WIZ: variants seen among roughly 807,000 people sequenced by gnomAD.
The protein encoded by WIZ is protein Wiz.
Under a neutral mutation model 140.2 loss-of-function variants are expected in WIZ, and 25 were observed. The ratio of observed to expected loss-of-function variants is 0.18; its 90% CI spans 0.13 to 0.25. The LOEUF is 0.25. WIZ is among the 10% of genes least tolerant of loss of function. WIZ has a pLI of 1.00. For missense variants in WIZ, 2,231 were observed against 2,632.6 expected, an observed-to-expected ratio of 0.85 and a Z score of 3.34; for synonymous variants, 1,125 against 1,154.3, an observed-to-expected ratio of 0.97 and a Z score of 0.51.
intron 2 of WIZ, 50 bp downstream of exon 2, chr19:15,448,053 T>C (rs1158983253): frequency 1.9e-6 from 3 of 1,602,514 alleles, no homozygotes; most frequent in Non-Finnish European, 2.6e-6. Flanking sequence ...CTCTGAGCCT[T>C]GGGGAATGGG....
At chr19:15,435,318 CA>C (rs887522006) in intron 5 of WIZ, among the ~76,000 whole-genome samples, 3 of 151,932 alleles carry the variant, frequency 2.0e-5, no homozygotes, top group African/African-American at 7.3e-5. Context: ...AATCTTAGTA[CA>C]GGGGCCAGGC....
rs1381207637 is a variant in WIZ at position 15,422,691 on chromosome 19, G to T, written c.*385C>A. The T allele has an allele frequency of 8.2e-6, 2 of 244,578 alleles. No individual in the cohort carries two copies. Among genetic ancestry groups the T allele is most frequent in the Non-Finnish European group, 1.6e-5 (2 of 125,090 alleles). The allele number at this position is 244,578 out of a possible 1,614,324, so 15.2% of individuals were successfully genotyped here. The stretch of plus-strand genomic sequence containing the variant: ...GAGAGGATATTCATGGGGGAGAGAG[G>T]GAACCAGAACAGGGGTCTTTGGGGT... On this transcript the variant is annotated 3_prime_UTR_variant, in exon 13 of 13. Coordinates refer to ENST00000673675, the MANE Select transcript of WIZ (RefSeq NM_001371589.1).
Position 15,424,074 on chromosome 19 carries a change from C to T in WIZ, c.5510+109G>A. 3 of 1,049,542 alleles carry T rather than the reference C, an allele frequency of 2.9e-6. No individual in the cohort carries two copies. The highest frequency in any genetic ancestry group is 2.6e-6 in the Non-Finnish European group (2 of 761,988). The allele number at this position is 1,049,542 out of a possible 1,614,324, so 65.0% of individuals were successfully genotyped here. ...TGAGCCCCACCACACCCAAGGGCAG[C>T]CACTGAGGCGACACCTCCCAGCTTC... On this transcript the variant is annotated intron_variant, in intron 12 of 12. Coordinates refer to ENST00000673675, the MANE Select transcript of WIZ (RefSeq NM_001371589.1). This position sits in a 1 kb window ranked among gnomAD's most constrained non-coding sequence, Gnocchi z 9.7.
Position 15,438,922 on chromosome 19 carries a change from C to T in WIZ, c.2072G>A (p.Gly691Glu). The change falls in exon 4 of 13, where the codon GGG (glycine) becomes GAG (glutamate). Residue 691 changes from glycine to glutamate, a missense_variant. Physicochemically the swap from Gly to Glu is moderately conservative, Grantham distance 98 (BLOSUM62 -2). This residue lies in a region of WIZ where 475 missense variants were observed against 520.2 expected (regional missense o/e 0.91). Coordinates refer to ENST00000673675, the MANE Select transcript of WIZ (RefSeq NM_001371589.1). ...MVPIVLVAKL[G>E]PQVMAAARVP... The stretch of plus-strand genomic sequence containing the variant: ...CCTGGCTGCCGCCATGACCTGCGGC[C>T]CCAGCTTCGCCACGAGCACAATGGG... 2 of 1,445,326 alleles carry T rather than the reference C, an allele frequency of 1.4e-6. No homozygotes were observed. The highest frequency in any genetic ancestry group is 1.8e-6 in the Non-Finnish European group (2 of 1,100,644). The allele number at this position is 1,445,326 out of a possible 1,614,324, so 89.5% of individuals were successfully genotyped here.
chr19:15,444,168 G>A (rs116467045), intron 2 of WIZ, among the ~76,000 whole-genome samples: 82 of 152,292 alleles, frequency 5.4e-4, no homozygotes, highest in African/African-American at 1.8e-3. Flanking sequence ...GGGCTGGGGC[G>A]AATTCTTTTT....
intron 5 of WIZ, among the ~76,000 whole-genome samples, chr19:15,436,248 G>A (rs1473030835): frequency 6.6e-6 from 1 of 152,226 alleles, no homozygotes; most frequent in Non-Finnish European, 1.5e-5. Context: ...AAGACGTGCA[G>A]ATATCTAGAG....
chr19:15,449,236 G>C (rs113093301), intron 1 of WIZ, among the ~76,000 whole-genome samples: 1 of 152,114 alleles, frequency 6.6e-6, no homozygotes, highest in South Asian at 2.1e-4. Context: ...TGGGGAGGCC[G>C]GGCCCAGGCA....
chr19:15,433,068 A>C (rs1338655062), intron 5 of WIZ: 1 of 173,308 alleles, frequency 5.8e-6, no homozygotes, highest in African/African-American at 2.4e-5. Context: ...AAAACTCTTA[A>C]GAGCCCCGAC....
chr19:15,438,831 G>T lies in WIZ; in HGVS notation c.2163C>A (p.Leu721=). Residue 721 remains leucine (L), a synonymous_variant, in exon 4 of 13, where the codon CTC becomes CTA. Transcript: ENST00000673675. ...LAGAHPLDFL[L]LDAPLGGPLG... The stretch of plus-strand genomic sequence containing the variant: ...GCGGGCCGCCCAGCGGCGCGTCCAG[G>T]AGCAGGAAGTCCAGGGGGTGGGCGC... 4.7e-6 allele frequency: 7 copies of T among 1,496,990 alleles called. No individual in the cohort carries two copies. The highest frequency in any genetic ancestry group is 6.2e-6 in the Non-Finnish European group (7 of 1,120,998). 92.7% of individuals were successfully genotyped at this position (1,496,990 alleles called of 1,614,324 possible). A position where few individuals can be genotyped will look rare whatever the true frequency, so the allele number is the denominator to read the frequency against.
chr19:15,432,329 AGG>A (rs1054711531), intron 5 of WIZ: 1 of 565,754 alleles, frequency 1.8e-6, no homozygotes, highest in Non-Finnish European at 2.2e-6. Flanking sequence ...GGCCTGGGGG[AGG>A]GGGGGGTCCC....
At chr19:15,449,418 G>C (rs954545984) in intron 1 of WIZ, 2 of 152,400 alleles carry the variant, frequency 1.3e-5, no homozygotes, top group African/African-American at 4.8e-5. Flanking sequence ...GGGAACGGGC[G>C]GGACCGCAAC....
chr19:15,437,266 G>A (rs1034475214), intron 4 of WIZ, 137 bp from the exon 5 acceptor site: 6 of 809,938 alleles, frequency 7.4e-6, no homozygotes, highest in Non-Finnish European at 1.1e-5. Flanking sequence ...CTGCTCCTCA[G>A]CTCTCAGCTC....
Position 15,423,105 on chromosome 19 carries a change from C to A in WIZ, c.5641G>T (p.Ala1881Ser), listed in dbSNP as rs754132271. The change falls in exon 13 of 13, where the codon GCA becomes TCA. Residue 1881 changes from alanine to serine, a missense_variant. By Grantham distance (99) the Ala-to-Ser change is moderately conservative (BLOSUM62 1). Around this residue, in one of 15 missense-constraint regions of WIZ, gnomAD observed 299 missense variants for 309.6 expected, o/e 0.97. Transcript: ENST00000673675. ...PPPEESQAPQ[A>S]QTAAAEAP The stretch of plus-strand genomic sequence containing the variant: ...GGAGCCTCTGCCGCCGCTGTCTGTG[C>A]CTGCGGGGCCTGGGACTCCTCAGGT... 1 of 1,612,152 alleles carries A rather than the reference C, an allele frequency of 6.2e-7. No individual in the cohort carries two copies.
At position 15,439,132 on chromosome 19, in the gene WIZ, T is replaced by G. The variant is rs749734735; in HGVS notation, c.1862A>C (p.Glu621Ala). The G allele has an allele frequency of 6.6e-7, 1 of 1,511,426 alleles. No homozygotes were observed. The allele number at this position is 1,511,426 out of a possible 1,614,324, so 93.6% of individuals were successfully genotyped here. ...GGTCAGCACTACATCCTCCTCCTCC[T>G]CCTCCTCCTCCTCCTCTTCGCTCCA... The part of the protein sequence containing the change: ...RPWSEEEEEE[E>A]EEEDVVLTSE... Residue 621 changes from glutamate (E) to alanine (A), a missense_variant, in exon 4 of 13, where the codon GAG (glutamate) becomes GCG (alanine). This residue lies in a region of WIZ where 475 missense variants were observed against 520.2 expected (regional missense o/e 0.91). Coordinates refer to ENST00000673675, the MANE Select transcript of WIZ (RefSeq NM_001371589.1). This position sits in a 1 kb window ranked among gnomAD's most constrained non-coding sequence, Gnocchi z 7.0.
Position 15,423,005 on chromosome 19 carries a change from G to A in WIZ, c.*71C>T. The A allele has an allele frequency of 7.1e-6, 11 of 1,556,230 alleles. No individual in the cohort carries two copies. Among genetic ancestry groups the A allele is most frequent in the Non-Finnish European group, 9.6e-6 (11 of 1,151,144 alleles). ...TTGGAAACGGAAAGAAAGAGGAAGA[G>A]GGACAAGGACACAGAGGAGGAAGAA... is the stretch of plus-strand genomic sequence containing the variant. On this transcript the variant is annotated 3_prime_UTR_variant, in exon 13 of 13. Transcript: ENST00000673675.
chr19:15,432,852 G>C lies in WIZ; in HGVS notation c.2741-1670C>G, dbSNP rs572480446. Among the ~76,000 whole-genome samples the C allele has an allele frequency of 1.3e-4, 20 of 151,866 alleles. 2 individuals carry two copies. Among genetic ancestry groups the C allele is most frequent in the African/African-American group, 4.3e-4 (18 of 41,484 alleles). Reference sequence around the variant, plus strand: ...GCCTGCCGAGTGCCGAGCGCCGAGCGCCGAGTGCCACGAGCGAAACCGTTC... The same window carrying C: ...GCCTGCCGAGTGCCGAGCGCCGAGCCCCGAGTGCCACGAGCGAAACCGTTC... On this transcript the variant is annotated intron_variant, in intron 5 of 12. Coordinates refer to ENST00000673675, the MANE Select transcript of WIZ (RefSeq NM_001371589.1).
chr19:15,420,254 A>G lies in WIZ; in HGVS notation c.*2822T>C, dbSNP rs575003184. On this transcript the variant is annotated 3_prime_UTR_variant, in exon 13 of 13. Transcript: ENST00000673675. Reference sequence around the variant, plus strand: ...ATTTTACTGTTTGCTCTACTTTTGTATAGTTGGAATTCTCCATGATAAACT... The same window carrying G: ...ATTTTACTGTTTGCTCTACTTTTGTGTAGTTGGAATTCTCCATGATAAACT... 2 of 152,226 alleles carry G rather than the reference A, an allele frequency of 1.3e-5. No individual in the cohort carries two copies. Among genetic ancestry groups the G allele is most frequent in the African/African-American group, 4.8e-5 (2 of 41,458 alleles). 9.4% of individuals were successfully genotyped at this position (152,226 alleles called of 1,614,324 possible). A position where few individuals can be genotyped will look rare whatever the true frequency, so the allele number is the denominator to read the frequency against.
rs1023228879 is a variant in WIZ at position 15,428,164 on chromosome 19, C to T, written c.3760G>A (p.Ala1254Thr). The T allele has an allele frequency of 1.2e-5, 18 of 1,534,352 alleles. No individual in the cohort carries two copies. The highest frequency in any genetic ancestry group is 2.1e-4 in the Middle Eastern group (1 of 4,866). ...GAGGCCCAGAAAATGCCGGCGGCTGCGGCGGCCGAGAGGTCCTGCTTCCCC... is the reference window on the plus strand; with the variant it reads ...GAGGCCCAGAAAATGCCGGCGGCTGTGGCGGCCGAGAGGTCCTGCTTCCCC... ...PWGKQDLSAA[A>T]AAGIFWASDV... is the part of the protein sequence containing the mutation. The change falls in exon 8 of 13, where the codon GCA becomes ACA. Residue 1254 changes from alanine (A) to threonine (T), a missense_variant. Transcript: ENST00000673675. This position sits in a 1 kb window ranked among gnomAD's most constrained non-coding sequence, Gnocchi z 6.4.
rs777977525 is a variant in WIZ, at chr19:15,424,632, G to A, written c.5295C>T (p.His1765=). The stretch of plus-strand genomic sequence containing the variant: ...ACTCACTGTTGATGTTCTGCCGCTG[G>A]TGCTCCTCAGCCTTCACGGTGCCTG... The part of the protein sequence containing the change: ...SPPGTVKAEE[H]QRQNINKFER... Residue 1765 remains histidine, a synonymous_variant, in exon 11 of 13, where the codon CAC becomes CAT. Transcript: ENST00000673675. The surrounding 1 kb of genome is among the most constrained non-coding windows in gnomAD (Gnocchi z 9.7). The A allele has an allele frequency of 1.9e-6, 3 of 1,592,946 alleles. No homozygotes were observed. Among genetic ancestry groups the A allele is most frequent in the Non-Finnish European group, 2.5e-6 (3 of 1,178,072 alleles).
Sources: allele counts gnomAD v4.1 joint callset (sites outside exome capture counted in the v4.1 genomes callset), GRCh38; gene constraint gnomAD v4.1.1; regional missense constraint gnomAD v4.1.1; non-coding constraint Gnocchi (gnomAD v3.1); transcripts MANE v1.5; gene names NCBI Gene and HGNC (gene_info 2026-07-23, HGNC 2026-07-21).